The following GLRA2 variants were observed in gnomAD, a reference collection of about 807,000 sequenced individuals.
GLRA2 encodes the protein glycine receptor alpha 2.
In GLRA2, 11 loss-of-function variants were observed where a neutral mutation model predicts 31.6. The ratio of observed to expected loss-of-function variants is 0.35; its 90% CI spans 0.22 to 0.58. The LOEUF (loss-of-function observed/expected upper bound fraction) is 0.58, where lower values mean the gene tolerates loss of function less well. Among genes scored for constraint, GLRA2 ranks in the 20% least tolerant of loss-of-function variants. The pLI is 0.84. For synonymous variants in GLRA2, 132 were observed against 134.0 expected, an observed-to-expected ratio of 0.99 and a Z score of 0.10; for missense variants, 212 against 351.8, an observed-to-expected ratio of 0.60 and a Z score of 3.18.
At chrX:14,655,768 C>T (rs2090933855) in intron 7 of GLRA2, among the ~76,000 whole-genome samples, 2 of 111,579 alleles carry the variant, frequency 1.8e-5, no homozygotes, top group Non-Finnish European at 3.8e-5. Flanking sequence ...GCTATGCTTC[C>T]ACTGGGCTTC....
chrX:14,499,151 A>G, the GLRA2 span, among the ~76,000 whole-genome samples: 1 of 112,018 alleles, frequency 8.9e-6, no homozygotes, highest in Non-Finnish European at 1.9e-5. Context: ...GCTGAATTAT[A>G]TAGCAGTTCT....
the GLRA2 span, among the ~76,000 whole-genome samples, chrX:14,462,360 G>A: frequency 1.6e-4 from 18 of 111,078 alleles, no homozygotes; most frequent in African/African-American, 4.9e-4. Context: ...TCTTTGTGGT[G>A]TTCTCTGTAT....
the GLRA2 span, among the ~76,000 whole-genome samples, chrX:14,506,483 T>C: frequency 8.9e-6 from 1 of 111,885 alleles, no homozygotes; most frequent in Non-Finnish European, 1.9e-5. Context: ...TTTCATAAAT[T>C]AGTGTTTACG....
chrX:14,533,373 A>G (rs189026945), intron 2 of GLRA2, among the ~76,000 whole-genome samples: 233 of 110,938 alleles, frequency 2.1e-3, no homozygotes, highest in Non-Finnish European at 3.2e-3. Context: ...ACTAAATTTT[A>G]AATTCATTTC....
the GLRA2 span, among the ~76,000 whole-genome samples, chrX:14,512,719 A>G: frequency 9.0e-6 from 1 of 111,654 alleles, no homozygotes; most frequent in South Asian, 3.7e-4. Flanking sequence ...GAGGTGAAAG[A>G]CCTCTACAAG....
intron 6 of GLRA2, 22 bp downstream of exon 6, chrX:14,607,290 T>TTTTTTC: frequency 8.8e-7 from 1 of 1,139,419 alleles, no homozygotes; most frequent in Non-Finnish European, 1.2e-6. Flanking sequence ...TTTTTTTTTT[T>TTTTTTC]TTCAGCTGTT....
intron 8 of GLRA2, among the ~76,000 whole-genome samples, chrX:14,728,118 G>C (rs752906045): frequency 1.8e-5 from 2 of 111,862 alleles, no homozygotes; most frequent in Non-Finnish European, 3.8e-5. Context: ...TCTGATTTTT[G>C]TGATATAATG....
At chrX:14,497,002 C>A in the GLRA2 span, among the ~76,000 whole-genome samples, 3 of 111,655 alleles carry the variant, frequency 2.7e-5, no homozygotes, top group Non-Finnish European at 5.7e-5. Context: ...AGTCTAATAC[C>A]AAACCATTGT....
intron 7 of GLRA2, among the ~76,000 whole-genome samples, chrX:14,688,886 C>T (rs1280359815): frequency 1.8e-5 from 2 of 111,563 alleles, no homozygotes; most frequent in African/African-American, 6.5e-5. Context: ...TCGTCTTCTG[C>T]GTCGCTCAGG....
chrX:14,472,821 C>T, the GLRA2 span, among the ~76,000 whole-genome samples: 6 of 111,326 alleles, frequency 5.4e-5, no homozygotes, highest in African/African-American at 1.6e-4. Context: ...TTAGAACCTT[C>T]AGACCAGGGG....
intron 1 of GLRA2, chrX:14,530,979 A>G (rs746918957): frequency 2.3e-6 from 2 of 866,175 alleles, no homozygotes; most frequent in Admixed American, 9.3e-5. Flanking sequence ...CAGAACCAAG[A>G]TAAATGGAAC....
At chrX:14,493,576 TACATATATAC>T in the GLRA2 span, among the ~76,000 whole-genome samples, 117 of 105,294 alleles carry the variant, frequency 1.1e-3, no homozygotes, top group African/African-American at 3.9e-3. Flanking sequence ...TATACATATA[TACATATATAC>T]ACATATATAC....
chrX:14,694,777 A>G (rs1000965959), intron 8 of GLRA2, among the ~76,000 whole-genome samples: 11 of 112,690 alleles, frequency 9.8e-5, no homozygotes, highest in Admixed American at 9.4e-4. Flanking sequence ...CAGCCTTTTG[A>G]TGAAACTTAC....
intron 5 of GLRA2, 100 bp downstream of exon 5, chrX:14,604,497 C>G: frequency 2.0e-6 from 1 of 488,031 alleles, no homozygotes; most frequent in Non-Finnish European, 3.5e-6. Flanking sequence ...AACTCATTCC[C>G]TATATACTGA....
At position 14,690,707 on chromosome X, in the gene GLRA2, C is replaced by T; in HGVS notation, c.931-3C>T. On this transcript the variant is annotated splice_region_variant and splice_polypyrimidine_tract_variant and intron_variant, in intron 7 of 8. Transcript: ENST00000218075. ...TGTGTGTGTGTCTCTCTCTCTCTCT[C>T]AGGTCTCCTATGTAAAAGCGATTGA... 8.6e-7 allele frequency: 1 copy of T among 1,156,857 alleles called. No homozygotes were observed. The highest frequency in any genetic ancestry group is 1.2e-6 in the Non-Finnish European group (1 of 846,783).
intron 2 of GLRA2, among the ~76,000 whole-genome samples, chrX:14,551,741 C>T (rs2089568647): frequency 9.0e-6 from 1 of 111,438 alleles, no homozygotes; most frequent in Admixed American, 9.5e-5. Flanking sequence ...TCTCCGGACC[C>T]TAGGAATGTT....
At chrX:14,681,891 C>CAAAAAAAAAAAA (rs1157722406) in intron 7 of GLRA2, among the ~76,000 whole-genome samples, 4 of 26,685 alleles carry the variant, frequency 1.5e-4, no homozygotes, top group African/African-American at 4.4e-4. Context: ...GACACCATCT[C>CAAAAAAAAAAAA]AAAAAAAAAA....
intron 2 of GLRA2, among the ~76,000 whole-genome samples, chrX:14,544,401 T>C (rs963394725): frequency 1.8e-5 from 2 of 109,722 alleles, no homozygotes; most frequent in African/African-American, 6.5e-5. Context: ...TGAAGAATTT[T>C]CTTTTGGATT....
At chrX:14,565,656 T>C (rs944188700) in intron 2 of GLRA2, among the ~76,000 whole-genome samples, 4 of 111,624 alleles carry the variant, frequency 3.6e-5, no homozygotes, top group Non-Finnish European at 7.5e-5. Context: ...AATGTATCTT[T>C]TCCCACTATA....
Sources: gnomAD v4.1 joint callset for allele counts (sites outside exome capture counted in the v4.1 genomes callset) on GRCh38, gnomAD v4.1.1 for gene constraint, MANE v1.5 for transcripts, NCBI Gene and HGNC (gene_info 2026-07-23, HGNC 2026-07-21) for gene names.